FAM186B: variants seen among roughly 807,000 people sequenced by gnomAD.
The protein encoded by FAM186B is family with sequence similarity 186 member B, also known as protein FAM186B.
Under a neutral mutation model 83.4 loss-of-function variants are expected in FAM186B, and 68 were observed. The observed-to-expected ratio is 0.81, with a 90% CI of 0.67 to 1.00. The LOEUF (loss-of-function observed/expected upper bound fraction) is 1.00. FAM186B is among the 50% of genes least tolerant of loss of function. The pLI is 0.00. For synonymous variants in FAM186B, 389 were observed against 422.0 expected (o/e 0.92, Z 0.96); for missense variants, 983 against 1,099.2 (o/e 0.89, Z 1.49).
At chr12:49,620,311 CCA>C in the FAM186B span, among the ~76,000 whole-genome samples, 79 of 152,218 alleles carry the variant, frequency 5.2e-4, no homozygotes, top group Non-Finnish European at 3.4e-4. Context: ...TCTATTTGCC[CCA>C]GTTAATTTAA....
At chr12:49,593,081 C>T (rs1205874224) in intron 5 of FAM186B, 1 of 152,160 alleles carries the variant, frequency 6.6e-6, no homozygotes, top group Non-Finnish European at 1.5e-5. Context: ...CAATTAAAAA[C>T]CCAATTTAAA....
chr12:49,619,667 C>CTT, the FAM186B span: 1,105 of 145,782 alleles, frequency 7.6e-3, 2 homozygotes, highest in South Asian at 0.017. Context: ...TTAGACATCT[C>CTT]TTTTTTTTTT....
In FAM186B at chr12:49,600,441, C is replaced by G; in HGVS notation, c.1199G>C (p.Arg400Thr). 1 of 1,613,216 alleles carries G rather than the reference C, an allele frequency of 6.2e-7. No homozygotes were observed. Residue 400 changes from arginine to threonine, a missense_variant, in exon 4 of 7, where the codon AGG (arginine) becomes ACG (threonine). Coordinates refer to ENST00000257894, the MANE Select transcript of FAM186B (RefSeq NM_032130.3). This position sits in a 1 kb window ranked among gnomAD's most constrained non-coding sequence, Gnocchi z 4.3. ...CTTGCTGCCGAACACATCTGCGACC[C>G]TCGAGCGCACAGTCATGGTGGAAAG... ...QPLSTMTVRS[R>T]VADVFGSKDT... is the part of the protein sequence containing the mutation.
chr12:49,612,838 C>T, the FAM186B span, among the ~76,000 whole-genome samples: 1 of 152,038 alleles, frequency 6.6e-6, no homozygotes. Context: ...AGGCAAAATA[C>T]TAACAAAGAA....
chr12:49,613,014 A>G, the FAM186B span, among the ~76,000 whole-genome samples: 1 of 152,218 alleles, frequency 6.6e-6, no homozygotes, highest in Non-Finnish European at 1.5e-5. Flanking sequence ...ATTCAAAAAA[A>G]TCGAAATCAT....
At chr12:49,621,424 T>C in the FAM186B span, among the ~76,000 whole-genome samples, 3 of 152,044 alleles carry the variant, frequency 2.0e-5, no homozygotes, top group South Asian at 4.2e-4. Context: ...CCCAGGAGAA[T>C]GAGAAAAGAG....
At chr12:49,593,143 T>TA (rs1156557013) in intron 5 of FAM186B, 1 of 152,186 alleles carries the variant, frequency 6.6e-6, no homozygotes, top group Non-Finnish European at 1.5e-5. Context: ...GTTGGAATAA[T>TA]ACAGAGAAGA....
chr12:49,588,292 G>C (rs1939495592), intron 6 of FAM186B, among the ~76,000 whole-genome samples, 162 bp downstream of exon 6: 1 of 152,248 alleles, frequency 6.6e-6, no homozygotes, highest in African/African-American at 2.4e-5. Context: ...TCAGTGGCCA[G>C]CACTGGGGAG....
the FAM186B span, among the ~76,000 whole-genome samples, chr12:49,613,013 A>C: frequency 4.9e-3 from 749 of 152,338 alleles, 8 homozygotes; most frequent in Middle Eastern, 0.02. Context: ...AATTCAAAAA[A>C]ATCGAAATCA....
At position 49,601,005 on chromosome 12, in the gene FAM186B, A is replaced by G; in HGVS notation, c.635T>C (p.Val212Ala). 6.2e-7 allele frequency: 1 copy of G among 1,613,926 alleles called. No individual in the cohort carries two copies. Among genetic ancestry groups the G allele is most frequent in the Non-Finnish European group, 8.5e-7 (1 of 1,179,966 alleles). Residue 212 changes from valine (V) to alanine (A), a missense_variant, in exon 4 of 7, where the codon GTG becomes GCG. Val to Ala is a moderately conservative substitution (Grantham distance 64). Coordinates refer to ENST00000257894, the MANE Select transcript of FAM186B (RefSeq NM_032130.3). The part of the protein sequence containing the change: ...QHTMNTKASE[V>A]TSMLQELLDS... ...CAGGAGCTCCTGCAGCATGGACGTC[A>G]CCTCCGAGGCCTTCGTGTTCATGGT...
In FAM186B at chr12:49,587,602, G is replaced by T. The variant is rs1341896836; in HGVS notation, c.*3C>A. ...GGAAGTTCAGGCTTTTGTGGCAGGA[G>T]GACTACACGTCCAGTGTCAACAGCC... On this transcript the variant is annotated 3_prime_UTR_variant, in exon 7 of 7. Coordinates refer to ENST00000257894, the MANE Select transcript of FAM186B (RefSeq NM_032130.3). 1 of 1,613,438 alleles carries T rather than the reference G, an allele frequency of 6.2e-7. No individual in the cohort carries two copies. Among genetic ancestry groups the T allele is most frequent in the East Asian group, 2.2e-5 (1 of 44,840 alleles).
the FAM186B span, chr12:49,619,295 G>A: frequency 3.6e-6 from 1 of 279,966 alleles, no homozygotes; most frequent in Non-Finnish European, 6.5e-6. Context: ...GTGTGTGAGG[G>A]GGTTTTCTCG....
chr12:49,604,999 T>C (rs1416317594), intron 1 of FAM186B, among the ~76,000 whole-genome samples: 2 of 152,088 alleles, frequency 1.3e-5, no homozygotes, highest in Non-Finnish European at 2.9e-5. Context: ...ATTTGAGCCT[T>C]TGGACATTTC....
intron 5 of FAM186B, among the ~76,000 whole-genome samples, chr12:49,589,978 CAA>C (rs57724815): frequency 3.3e-5 from 2 of 60,704 alleles, no homozygotes; most frequent in Non-Finnish European, 6.4e-5. Flanking sequence ...ACTCTGTCTC[CAA>C]AAAAAAAAAA....
chr12:49,583,003 C>T (rs762700714), downstream of FAM186B: 6 of 455,520 alleles, frequency 1.3e-5, no homozygotes, highest in Non-Finnish European at 2.2e-5. Flanking sequence ...ATGTCAGACA[C>T]TCTGCATGCT....
chr12:49,604,572 T>G, intron 1 of FAM186B, 34 bp from the exon 2 acceptor site: 1 of 1,589,062 alleles, frequency 6.3e-7, no homozygotes. Flanking sequence ...GTGTTAGGGC[T>G]GTGGACTTGA....
upstream of FAM186B, among the ~76,000 whole-genome samples, chr12:49,607,013 C>T (rs1940036882): frequency 6.6e-6 from 1 of 152,104 alleles, no homozygotes; most frequent in Non-Finnish European, 1.5e-5. Context: ...AAGCAACATA[C>T]TTCCATATAA....
rs1565810771 is a variant in FAM186B, at chr12:49,600,310, G to A, written c.1330C>T (p.Gln444Ter). 1.9e-6 allele frequency: 3 copies of A among 1,614,100 alleles called. No individual in the cohort carries two copies. The highest frequency in any genetic ancestry group is 1.1e-5 in the South Asian group (1 of 91,080). Residue 444 changes from glutamine to a stop codon, truncating the protein, a stop_gained, in exon 4 of 7, where the codon CAG becomes TAG. Coordinates refer to ENST00000257894, the MANE Select transcript of FAM186B (RefSeq NM_032130.3). LOFTEE classifies it high-confidence loss of function. The surrounding 1 kb of genome is among the most constrained non-coding windows in gnomAD (Gnocchi z 4.3). ...CCTCCCTTCTGGAAGTAGTCCTCCT[G>A]GTCTTTGTCTTTGTGGCCTAAGCTT... ...AESLGHKDKDQEDYFQKGGLQ... is the reference protein window; with the variant it reads ...AESLGHKDKD
At chr12:49,608,697 G>A (rs951703537), upstream of FAM186B, among the ~76,000 whole-genome samples, 8 of 151,686 alleles carry the variant, frequency 5.3e-5, no homozygotes, top group South Asian at 2.1e-4. Context: ...AACAGCCCCC[G>A]TGATGGCATT....
Sources: allele counts gnomAD v4.1 joint callset (sites outside exome capture counted in the v4.1 genomes callset), GRCh38; gene constraint gnomAD v4.1.1; non-coding constraint Gnocchi (gnomAD v3.1); transcripts MANE v1.5; gene names NCBI Gene and HGNC (gene_info 2026-07-23, HGNC 2026-07-21).